Variants in SPIDR observed in about 807,000 individuals in gnomAD.
The protein encoded by SPIDR is DNA repair-scaffolding protein.
Under a neutral mutation model 104.6 loss-of-function variants are expected in SPIDR, and 93 were observed. That is an observed-to-expected ratio of 0.89 (90% CI 0.75 to 1.06). The LOEUF is 1.06. SPIDR is among the 50% of genes least tolerant of loss of function. The pLI, the probability that SPIDR is intolerant of heterozygous loss-of-function variation, is 0.00. For synonymous variants in SPIDR, 431 were observed against 416.9 expected, an observed-to-expected ratio of 1.03 and a Z score of -0.41; for missense variants, 1,154 against 1,111.2, an observed-to-expected ratio of 1.04 and a Z score of -0.55.
At chr8:47,386,896 G>A (rs1416059974) in intron 5 of SPIDR, among the ~76,000 whole-genome samples, 10 of 75,010 alleles carry the variant, frequency 1.3e-4, no homozygotes, top group African/African-American at 4.7e-4. Flanking sequence ...GAGAGAAAGA[G>A]AGAGAGAGAT....
intron 5 of SPIDR, among the ~76,000 whole-genome samples, chr8:47,319,615 C>T (rs201153189): frequency 5.8e-4 from 88 of 152,050 alleles, no homozygotes; most frequent in Admixed American, 1.4e-3. Flanking sequence ...TCTACAGAAC[C>T]CTCCACCCCA....
chr8:47,311,007 C>T (rs185467381), intron 5 of SPIDR, among the ~76,000 whole-genome samples: 1 of 152,040 alleles, frequency 6.6e-6, no homozygotes, highest in Non-Finnish European at 1.5e-5. Flanking sequence ...TGAGACTGGC[C>T]TTGATATGAC....
At chr8:47,681,572 C>A (rs138890365) in intron 11 of SPIDR, among the ~76,000 whole-genome samples, 1 of 152,070 alleles carries the variant, frequency 6.6e-6, no homozygotes, top group African/African-American at 2.4e-5. Context: ...TAATAGAGAT[C>A]GTGACTTATT....
At chr8:47,583,459 A>AATGTTCAGTCCCAATCTATACATGCTAT (rs1406050149) in intron 8 of SPIDR, among the ~76,000 whole-genome samples, 9 of 152,192 alleles carry the variant, frequency 5.9e-5, no homozygotes, top group African/African-American at 2.2e-4. Context: ...AAACATGCTG[A>AATGTTCAGTCCCAATCTATACATGCTAT]ATGTTCAGTC....
At chr8:47,577,563 G>C (rs2059262094) in intron 8 of SPIDR, among the ~76,000 whole-genome samples, 1 of 152,180 alleles carries the variant, frequency 6.6e-6, no homozygotes, top group Non-Finnish European at 1.5e-5. Flanking sequence ...ACCAAATGCA[G>C]ATCAAAATAC....
At chr8:47,412,362 G>T (rs1286575610) in intron 7 of SPIDR, among the ~76,000 whole-genome samples, 2 of 152,166 alleles carry the variant, frequency 1.3e-5, no homozygotes, top group Non-Finnish European at 2.9e-5. Context: ...CACAAAAAAA[G>T]AATTTAATGG....
At chr8:47,735,110 GGGT>G (rs2086028047) in intron 19 of SPIDR, among the ~76,000 whole-genome samples, 194 bp from the exon 20 acceptor site, 3 of 128,522 alleles carry the variant, frequency 2.3e-5, no homozygotes, top group Non-Finnish European at 4.8e-5. Flanking sequence ...GTGTGTGTGT[GGGT>G]GTGTGTGTGT....
intron 8 of SPIDR, among the ~76,000 whole-genome samples, chr8:47,505,924 G>C (rs1180670466): frequency 1.3e-5 from 2 of 152,166 alleles, no homozygotes; most frequent in Non-Finnish European, 2.9e-5. Context: ...CATAATTTCA[G>C]TGTATGTAAT....
At chr8:47,716,355 A>G (rs1206696097) in intron 16 of SPIDR, among the ~76,000 whole-genome samples, 1 of 152,178 alleles carries the variant, frequency 6.6e-6, no homozygotes, top group Non-Finnish European at 1.5e-5. Context: ...GACTTTTTAT[A>G]ATTGATAAAC....
chr8:47,279,797 G>A, intron 1 of SPIDR, 65 bp from the exon 2 acceptor site: 2 of 1,471,936 alleles, frequency 1.4e-6, no homozygotes, highest in Non-Finnish European at 1.9e-6. Context: ...TGAACTGAAT[G>A]TCTATTTAAT....
At chr8:47,270,193 AAGAGT>A (rs1188750106) in intron 1 of SPIDR, among the ~76,000 whole-genome samples, 1 of 152,042 alleles carries the variant, frequency 6.6e-6, no homozygotes, top group Non-Finnish European at 1.5e-5. Context: ...TGTATTTTGG[AAGAGT>A]TTGTGAAGGA....
chr8:47,505,156 G>A (rs1057101182), intron 8 of SPIDR, among the ~76,000 whole-genome samples: 1 of 152,178 alleles, frequency 6.6e-6, no homozygotes, highest in Non-Finnish European at 1.5e-5. Flanking sequence ...CTCCCTTCAA[G>A]GCTGTCAGAC....
intron 7 of SPIDR, among the ~76,000 whole-genome samples, chr8:47,422,589 C>T (rs1554681772): frequency 6.6e-6 from 1 of 152,368 alleles, no homozygotes; most frequent in African/African-American, 2.4e-5. Flanking sequence ...TGCTTCGGCT[C>T]ACGCTCTTTG....
rs1247719163 is a variant in SPIDR, at chr8:47,279,900, A to C, written c.72A>C (p.Pro24=). Residue 24 remains proline, a synonymous_variant, in exon 2 of 20, where the codon CCA becomes CCC. Transcript: ENST00000297423. ...RSWNTECPSF[P]GERPLQVRRA... ...GGAATACAGAATGCCCATCCTTTCCAGGAGAAAGACCACTGCAGGTCAGAA... is the reference window on the plus strand; with the variant it reads ...GGAATACAGAATGCCCATCCTTTCCCGGAGAAAGACCACTGCAGGTCAGAA... 1.2e-6 allele frequency: 2 copies of C among 1,613,804 alleles called. No individual in the cohort carries two copies. Among genetic ancestry groups the C allele is most frequent in the Non-Finnish European group, 1.7e-6 (2 of 1,179,882 alleles).
At chr8:47,622,931 G>A (rs1173520872) in intron 10 of SPIDR, among the ~76,000 whole-genome samples, 1 of 152,100 alleles carries the variant, frequency 6.6e-6, no homozygotes, top group Non-Finnish European at 1.5e-5. Flanking sequence ...ACTTGTGAGT[G>A]CCAGGACACC....
intron 8 of SPIDR, among the ~76,000 whole-genome samples, chr8:47,529,957 T>C (rs555124824): frequency 2.8e-4 from 42 of 152,314 alleles, no homozygotes; most frequent in African/African-American, 3.9e-4. Context: ...TACAATCATA[T>C]ATCACTTAAT....
intron 5 of SPIDR, among the ~76,000 whole-genome samples, chr8:47,345,043 T>C (rs1387407166): frequency 2.6e-5 from 4 of 152,372 alleles, no homozygotes; most frequent in African/African-American, 9.6e-5. Flanking sequence ...TGCCCATGCC[T>C]ATGTCCTGAA....
chr8:47,307,159 G>A (rs2043221644), intron 5 of SPIDR, among the ~76,000 whole-genome samples: 1 of 150,166 alleles, frequency 6.7e-6, no homozygotes, highest in Non-Finnish European at 1.5e-5. Flanking sequence ...CTCATTTCCT[G>A]CATTACTGTC....
intron 5 of SPIDR, among the ~76,000 whole-genome samples, chr8:47,346,152 T>TA (rs781931967): frequency 7.9e-5 from 12 of 152,242 alleles, no homozygotes; most frequent in Non-Finnish European, 1.6e-4. Context: ...ATACCTAGTT[T>TA]ATTGAGAGTT....
Sources: allele counts gnomAD v4.1 joint callset (sites outside exome capture counted in the v4.1 genomes callset), GRCh38; gene constraint gnomAD v4.1.1; transcripts MANE v1.5; gene names NCBI Gene and HGNC (gene_info 2026-07-23, HGNC 2026-07-21).